The following SCAMP2 variants were observed in gnomAD, a reference collection of about 807,000 sequenced individuals.
SCAMP2 encodes secretory carrier membrane protein 2.
Under a neutral mutation model 44.1 loss-of-function variants are expected in SCAMP2, and 25 were observed. The ratio of observed to expected loss-of-function variants is 0.57; its 90% CI spans 0.41 to 0.79. The LOEUF is 0.79. Among genes scored for constraint, SCAMP2 ranks in the 30% least tolerant of loss-of-function variants. The pLI, the probability that SCAMP2 is intolerant of heterozygous loss-of-function variation, is 0.00. For synonymous variants in SCAMP2, 156 were observed against 166.0 expected (o/e 0.94, Z 0.46); for missense variants, 355 against 411.0 (o/e 0.86, Z 1.18).
At chr15:74,871,785 C>T (rs760760659) in intron 1 of SCAMP2, among the ~76,000 whole-genome samples, 1 of 150,238 alleles carries the variant, frequency 6.7e-6, no homozygotes, top group Non-Finnish European at 1.5e-5. Context: ...TGGCTCACCC[C>T]TGTAATCCCA....
chr15:74,864,445 G>C (rs2064529119), intron 1 of SCAMP2, among the ~76,000 whole-genome samples: 1 of 152,174 alleles, frequency 6.6e-6, no homozygotes, highest in Non-Finnish European at 1.5e-5. Flanking sequence ...GAAGAGTCTG[G>C]AGTATCAGGG....
intron 1 of SCAMP2, 196 bp downstream of exon 1, chr15:74,873,003 G>T: frequency 2.0e-6 from 1 of 509,548 alleles, no homozygotes; most frequent in South Asian, 3.1e-5. Context: ...TCAGCGCCCC[G>T]CCTCCTCTGC....
chr15:74,867,216 A>G (rs2064549779), intron 1 of SCAMP2, among the ~76,000 whole-genome samples: 1 of 152,272 alleles, frequency 6.6e-6, no homozygotes, highest in Non-Finnish European at 1.5e-5. Context: ...ACTAACGTGA[A>G]CATCTCAAAG....
At chr15:74,854,555 C>T (rs2064455757) in intron 2 of SCAMP2, 26 bp downstream of exon 2, 1 of 1,577,046 alleles carries the variant, frequency 6.3e-7, no homozygotes, top group African/African-American at 1.4e-5. Flanking sequence ...GGCCATGGGA[C>T]TTGGAAAGAG....
intron 3 of SCAMP2, chr15:74,853,718 C>CGA (rs1210888820): frequency 4.2e-6 from 2 of 475,254 alleles, no homozygotes; most frequent in South Asian, 2.1e-5. Context: ...GCCAAAGGCC[C>CGA]GAGGAGGACC....
At chr15:74,850,757 T>C in intron 5 of SCAMP2, 84 bp from the exon 6 acceptor site, 3 of 1,440,646 alleles carry the variant, frequency 2.1e-6, no homozygotes, top group South Asian at 2.4e-5. Context: ...CTAGGAGAGG[T>C]GAGGTTCATG....
chr15:74,851,925 C>A, intron 4 of SCAMP2, 144 bp downstream of exon 4: 1 of 557,910 alleles, frequency 1.8e-6, no homozygotes, highest in African/African-American at 1.9e-5. Context: ...TACTGCTCTT[C>A]CCAGGACCAG....
At chr15:74,854,186 C>A in intron 2 of SCAMP2, 67 bp from the exon 3 acceptor site, 27 of 1,393,214 alleles carry the variant, frequency 1.9e-5, no homozygotes, top group Non-Finnish European at 2.7e-5. Flanking sequence ...GGGGGCAAAC[C>A]CACAGCAGGA....
intron 1 of SCAMP2, among the ~76,000 whole-genome samples, chr15:74,862,853 TACACACACACACACACACACAC>T (rs112611741): frequency 4.6e-5 from 4 of 87,482 alleles, no homozygotes; most frequent in African/African-American, 1.5e-4. Flanking sequence ...AAACAAACCA[TACACACACACACACACACACAC>T]ACACACACAC....
chr15:74,865,785 CA>C (rs768984095), intron 1 of SCAMP2, among the ~76,000 whole-genome samples: 4 of 90,630 alleles, frequency 4.4e-5, no homozygotes, highest in Admixed American at 1.5e-4. Flanking sequence ...CTCATTTCTC[CA>C]AAAAAAAAAA....
intron 1 of SCAMP2, among the ~76,000 whole-genome samples, chr15:74,860,026 G>A (rs540800057): frequency 3.3e-5 from 5 of 152,276 alleles, no homozygotes; most frequent in African/African-American, 9.6e-5. Context: ...CACTTTGGGA[G>A]GCTGAGGTGA....
At chr15:74,872,375 T>C (rs1160803593) in intron 1 of SCAMP2, among the ~76,000 whole-genome samples, 1 of 148,904 alleles carries the variant, frequency 6.7e-6, no homozygotes, top group Non-Finnish European at 1.5e-5. Flanking sequence ...ATCGTGCCAA[T>C]GCACTCCAGC....
At chr15:74,864,252 A>G (rs866153652) in intron 1 of SCAMP2, among the ~76,000 whole-genome samples, 50 of 152,196 alleles carry the variant, frequency 3.3e-4, no homozygotes, top group Middle Eastern at 3.4e-3. Flanking sequence ...TAGTAGGGAC[A>G]GGGTTTCACC....
At chr15:74,860,289 C>A (rs2141177677) in intron 1 of SCAMP2, among the ~76,000 whole-genome samples, 1 of 152,108 alleles carries the variant, frequency 6.6e-6, no homozygotes, top group South Asian at 2.1e-4. Context: ...GTGGCTCACA[C>A]CTGTAATCCC....
intron 1 of SCAMP2, among the ~76,000 whole-genome samples, chr15:74,869,474 T>G (rs2064562112): frequency 6.6e-6 from 1 of 152,212 alleles, no homozygotes; most frequent in Non-Finnish European, 1.5e-5. Context: ...GTGATGATGT[T>G]ACATTCCATT....
At chr15:74,866,039 AGG>A (rs1282667097) in intron 1 of SCAMP2, among the ~76,000 whole-genome samples, 2 of 110,150 alleles carry the variant, frequency 1.8e-5, no homozygotes, top group African/African-American at 7.3e-5. Flanking sequence ...AGGGGAGGGG[AGG>A]GGAGGAAAAG....
rs113655984 is a variant in SCAMP2, at chr15:74,845,219, T to C, written c.856-2A>G. On this transcript the variant is annotated splice_acceptor_variant, in intron 8 of 8. Coordinates refer to ENST00000268099, the MANE Select transcript of SCAMP2 (RefSeq NM_005697.5). LOFTEE classifies it high-confidence loss of function. ...TGTCCGTCGGTAGAGGGAGTGCACC[T>C]GGCGAAGAGGGGTGGGGTGAGAGAA... The C allele has an allele frequency of 6.2e-7, 1 of 1,612,068 alleles. No individual in the cohort carries two copies. The highest frequency in any genetic ancestry group is 8.5e-7 in the Non-Finnish European group (1 of 1,179,868).
chr15:74,858,806 CTTTTTTTTTTTT>C (rs917391053), intron 1 of SCAMP2, among the ~76,000 whole-genome samples: 1 of 91,256 alleles, frequency 1.1e-5, no homozygotes, highest in African/African-American at 4.4e-5. Flanking sequence ...AGAGCTGGTT[CTTTTTTTTTTTT>C]TTTTTTTTTT....
intron 1 of SCAMP2, among the ~76,000 whole-genome samples, chr15:74,860,185 C>T (rs1012289733): frequency 1.3e-5 from 2 of 151,358 alleles, no homozygotes; most frequent in African/African-American, 2.4e-5. Context: ...CCAAGGCAGG[C>T]GGATCACCTG....
Sources: gnomAD v4.1 joint callset for allele counts (sites outside exome capture counted in the v4.1 genomes callset) on GRCh38, gnomAD v4.1.1 for gene constraint, MANE v1.5 for transcripts, NCBI Gene and HGNC (gene_info 2026-07-23, HGNC 2026-07-21) for gene names.